The following PMEPA1 variants were observed in gnomAD, a reference collection of about 807,000 sequenced individuals.
The protein encoded by PMEPA1 is protein TMEPAI.
A neutral mutation model predicts 23.0 loss-of-function variants in PMEPA1; 11 were observed. The ratio of observed to expected loss-of-function variants is 0.48; its 90% confidence interval spans 0.30 to 0.79. PMEPA1 has a LOEUF of 0.79. Ranked by LOEUF, PMEPA1 falls within the 30% of genes least tolerant of loss-of-function variation. The probability of loss-of-function intolerance (pLI) is 0.06; values close to 1 mark genes in which losing one functional copy is unlikely to be tolerated. For missense variants in PMEPA1, 377 were observed against 390.9 expected (o/e 0.96, Z 0.30); for synonymous variants, 204 against 166.4 (o/e 1.23, Z -1.74).
At chr20:57,705,890 C>T (rs141515155) in intron 1 of PMEPA1, among the ~76,000 whole-genome samples, 234 of 152,202 alleles carry the variant, frequency 1.5e-3, no homozygotes, top group African/African-American at 5.3e-3. Flanking sequence ...GCCTTTCCTG[C>T]CCCCCAACAA....
upstream of PMEPA1, chr20:57,710,063 AG>A (rs1219217491): frequency 2.0e-6 from 2 of 985,114 alleles, no homozygotes; most frequent in African/African-American, 1.8e-5. Context: ...GGGGCCGGGG[AG>A]GGGGCGCGCG....
Position 57,652,583 on chromosome 20 carries a change from G to C in PMEPA1, c.334C>G (p.Pro112Ala). The change falls in exon 4 of 4, where the codon CCG becomes GCG. Residue 112 changes from proline to alanine, a missense_variant. Physicochemically the swap from Pro to Ala is conservative, Grantham distance 27 (BLOSUM62 -1). Transcript: ENST00000341744. This position sits in a 1 kb window ranked among gnomAD's most constrained non-coding sequence, Gnocchi z 6.1. ...NGIPEPQVYA[P>A]PRPTDRLAVP... ...GCCAGGCGGTCGGTGGGCCGAGGCGGGGCGTAGACCTGCGGCTGGAGGAAG... is the reference window on the plus strand; with the variant it reads ...GCCAGGCGGTCGGTGGGCCGAGGCGCGGCGTAGACCTGCGGCTGGAGGAAG... 6.7e-7 allele frequency: 1 copy of C among 1,498,664 alleles called. No individual in the cohort carries two copies. Among genetic ancestry groups the C allele is most frequent in the Non-Finnish European group, 8.9e-7 (1 of 1,124,286 alleles). The allele number at this position is 1,498,664 out of a possible 1,614,324, so 92.8% of individuals were successfully genotyped here.
At chr20:57,710,639 T>C, upstream of PMEPA1, 1 of 580,892 alleles carries the variant, frequency 1.7e-6, no homozygotes, top group South Asian at 2.5e-5. Flanking sequence ...GGGACTGGTG[T>C]ATTGTCGCCG....
intron 1 of PMEPA1, among the ~76,000 whole-genome samples, chr20:57,692,158 A>G (rs1420842507): frequency 6.6e-6 from 1 of 152,186 alleles, no homozygotes; most frequent in African/African-American, 2.4e-5. Flanking sequence ...CCCTTGCCAC[A>G]AACTGTCTCA....
rs752255702 is a variant in PMEPA1 at position 57,709,514 on chromosome 20, C to G, written c.69G>C (p.Thr23=). 2.6e-6 allele frequency: 3 copies of G among 1,137,338 alleles called. No homozygotes were observed. The highest frequency in any genetic ancestry group is 3.3e-6 in the Non-Finnish European group (3 of 905,848). The allele number at this position is 1,137,338 out of a possible 1,614,324, so 70.5% of individuals were successfully genotyped here. A position where few individuals can be genotyped will look rare whatever the true frequency, so the allele number is the denominator to read the frequency against. Residue 23 remains threonine (T), a synonymous_variant, in exon 1 of 4, where the codon ACG becomes ACC. Transcript: ENST00000341744. ...GGAACAAAGAGCGTTTGCAGTTGCA[C>G]GTGCAGGAGACATTGGGCTGCCCGG... ...AAAGQPNVSC[T]CNCKRSLFQS...
At position 57,709,692 on chromosome 20, in the gene PMEPA1, G is replaced by C; in HGVS notation, c.-110C>G. The C allele has an allele frequency of 1.0e-6, 1 of 977,836 alleles. No individual in the cohort carries two copies. The highest frequency in any genetic ancestry group is 1.2e-6 in the Non-Finnish European group (1 of 826,672). The allele number at this position is 977,836 out of a possible 1,614,324, so 60.6% of individuals were successfully genotyped here. On this transcript the variant is annotated 5_prime_UTR_variant, in exon 1 of 4. Coordinates refer to ENST00000341744, the MANE Select transcript of PMEPA1 (RefSeq NM_020182.5). ...CGCATGCAGGAGGCGCGCGGCGGGG[G>C]AGGCGCGCCCCGGCTCGCCGGGCTC...
rs568143799 is a variant in PMEPA1, at chr20:57,684,029, C to G, written c.110-24332G>C. 2.3e-4 allele frequency among the ~76,000 whole-genome samples: 35 copies of G among 152,288 alleles called. No homozygotes were observed. The East Asian group carries it at 3.3e-3, about 14-fold the overall frequency. The stretch of plus-strand genomic sequence containing the variant: ...TCCCACCACGCCCCACCCCCGGCTC[C>G]GCAACACCGCAGTCAAGTAGGCTGA... On this transcript the variant is annotated intron_variant, in intron 1 of 3. Coordinates refer to ENST00000341744, the MANE Select transcript of PMEPA1 (RefSeq NM_020182.5).
At chr20:57,659,057 G>A (rs1057124247) in intron 2 of PMEPA1, among the ~76,000 whole-genome samples, 3 of 152,210 alleles carry the variant, frequency 2.0e-5, no homozygotes, top group Non-Finnish European at 4.4e-5. Context: ...CAAGACGGGG[G>A]TCAGCTTGCG....
chr20:57,710,068 G>A, upstream of PMEPA1: 1 of 983,564 alleles, frequency 1.0e-6, no homozygotes, highest in Non-Finnish European at 1.2e-6. Flanking sequence ...CGGGGAGGGG[G>A]CGCGCGCTGC....
intron 1 of PMEPA1, among the ~76,000 whole-genome samples, chr20:57,700,449 T>A (rs1331444086): frequency 6.6e-6 from 1 of 152,200 alleles, no homozygotes; most frequent in Non-Finnish European, 1.5e-5. Context: ...TTCTTAAGAC[T>A]TAAAAGGCAA....
At chr20:57,696,827 C>T (rs1275801267) in intron 1 of PMEPA1, among the ~76,000 whole-genome samples, 1 of 152,236 alleles carries the variant, frequency 6.6e-6, no homozygotes, top group African/African-American at 2.4e-5. Flanking sequence ...CTCAAGATTT[C>T]TGTGGAGAGA....
chr20:57,678,783 A>C (rs1450450027), intron 1 of PMEPA1, among the ~76,000 whole-genome samples: 1 of 152,240 alleles, frequency 6.6e-6, no homozygotes, highest in Non-Finnish European at 1.5e-5. Flanking sequence ...TGGAACCTCC[A>C]ACCTCTGTCT....
intron 1 of PMEPA1, chr20:57,690,470 A>G: frequency 7.7e-7 from 1 of 1,303,920 alleles, no homozygotes; most frequent in Middle Eastern, 2.1e-4. Flanking sequence ...TCGTTAAATA[A>G]GGAGTGTATA....
Position 57,709,472 on chromosome 20 carries a change from A to T in PMEPA1, c.109+2T>A. ...CGGGGAGGGGGGCGTGGGGTCACTC[A>T]CTGATCTCCATGCTCTGGAACAAAG... On this transcript the variant is annotated splice_donor_variant, in intron 1 of 3. Transcript: ENST00000341744. LOFTEE classifies it high-confidence loss of function. 8.9e-7 allele frequency: 1 copy of T among 1,120,852 alleles called. No homozygotes were observed. Among genetic ancestry groups the T allele is most frequent in the Non-Finnish European group, 1.1e-6 (1 of 898,562 alleles). 69.4% of individuals were successfully genotyped at this position (1,120,852 alleles called of 1,614,324 possible).
At chr20:57,697,503 C>T (rs2041493611) in intron 1 of PMEPA1, among the ~76,000 whole-genome samples, 1 of 152,250 alleles carries the variant, frequency 6.6e-6, no homozygotes, top group Non-Finnish European at 1.5e-5. Flanking sequence ...TGGCAAATTT[C>T]TCCTCCAGTG....
Position 57,656,196 on chromosome 20 carries a change from C to A in PMEPA1, c.265-3110G>T, listed in dbSNP as rs2071324285. Among the ~76,000 whole-genome samples, 1 of 150,520 alleles carries A rather than the reference C, an allele frequency of 6.6e-6. No homozygotes were observed. Among genetic ancestry groups the A allele is most frequent in the Admixed American group, 6.6e-5 (1 of 15,234 alleles). The stretch of plus-strand genomic sequence containing the variant: ...GTACCTCCCATGTCCTCAGGAGATA[C>A]TGAATTCCCCCACAGCCCAGCACAA... On this transcript the variant is annotated intron_variant, in intron 2 of 3. Transcript: ENST00000341744. The surrounding 1 kb of genome is among the most constrained non-coding windows in gnomAD (Gnocchi z 4.7).
intron 1 of PMEPA1, among the ~76,000 whole-genome samples, chr20:57,692,827 A>G (rs1196284722): frequency 6.6e-6 from 1 of 152,200 alleles, no homozygotes; most frequent in Non-Finnish European, 1.5e-5. Context: ...ACAGGACAGC[A>G]CTCAGCAATG....
intron 1 of PMEPA1, among the ~76,000 whole-genome samples, chr20:57,702,665 T>C (rs2072028433): frequency 6.6e-6 from 1 of 152,262 alleles, no homozygotes; most frequent in South Asian, 2.1e-4. Context: ...GAGCTTGCGT[T>C]TGAATCCCAA....
At chr20:57,668,504 T>C (rs2071524346) in intron 1 of PMEPA1, among the ~76,000 whole-genome samples, 1 of 152,226 alleles carries the variant, frequency 6.6e-6, no homozygotes, top group Non-Finnish European at 1.5e-5. Flanking sequence ...CTCCTACGCC[T>C]GTCCCCTGTC....
Sources: gnomAD v4.1 joint callset for allele counts (sites outside exome capture counted in the v4.1 genomes callset) on GRCh38, gnomAD v4.1.1 for gene constraint, Gnocchi (gnomAD v3.1) non-coding constraint, MANE v1.5 for transcripts, NCBI Gene and HGNC (gene_info 2026-07-23, HGNC 2026-07-21) for gene names.